The following RCOR1 variants were observed in gnomAD, a reference collection of about 807,000 sequenced individuals.
RCOR1 encodes REST corepressor 1.
Under a neutral mutation model 64.0 loss-of-function variants are expected in RCOR1, and 12 were observed. The ratio of observed to expected loss-of-function variants is 0.19; its 90% CI spans 0.12 to 0.30. The LOEUF (loss-of-function observed/expected upper bound fraction) is 0.30. Among genes scored for constraint, RCOR1 ranks in the 10% least tolerant of loss-of-function variants. The pLI, the probability that RCOR1 is intolerant of heterozygous loss-of-function variation, is 1.00. For synonymous variants in RCOR1, 279 were observed against 227.2 expected, an observed-to-expected ratio of 1.23 and a Z score of -2.05; for missense variants, 502 against 621.2, an observed-to-expected ratio of 0.81 and a Z score of 2.04.
intron 2 of RCOR1, among the ~76,000 whole-genome samples, chr14:102,624,868 C>T (rs1323502663): frequency 6.6e-6 from 1 of 151,932 alleles, no homozygotes; most frequent in African/African-American, 2.4e-5. Context: ...AAGCCCAATA[C>T]CTACACTTCC....
intron 2 of RCOR1, among the ~76,000 whole-genome samples, chr14:102,600,270 G>A (rs999748961): frequency 4.0e-5 from 6 of 150,590 alleles, no homozygotes; most frequent in African/African-American, 1.2e-4. Flanking sequence ...TATATTTTTA[G>A]TAGAGATGGG....
intron 2 of RCOR1, among the ~76,000 whole-genome samples, chr14:102,654,871 T>G (rs1014502405): frequency 8.8e-5 from 13 of 147,444 alleles, no homozygotes; most frequent in African/African-American, 3.3e-4. Flanking sequence ...TGCAGTGACA[T>G]GATCAAGGCT....
chr14:102,655,430 C>T, intron 2 of RCOR1: 1 of 984,626 alleles, frequency 1.0e-6, no homozygotes, highest in Non-Finnish European at 1.2e-6. Context: ...TTAACTATGG[C>T]ATGTTTTATA....
At chr14:102,693,890 T>C (rs546278050) in intron 3 of RCOR1, among the ~76,000 whole-genome samples, 10 of 152,112 alleles carry the variant, frequency 6.6e-5, no homozygotes, top group Admixed American at 2.6e-4. Flanking sequence ...GGGGGTTCAC[T>C]GTGTTGCCCA....
rs1447031731 is a variant in RCOR1, at chr14:102,655,557, C to A, written c.362-26338C>A. On this transcript the variant is annotated intron_variant, in intron 2 of 11. Coordinates refer to ENST00000262241, the MANE Select transcript of RCOR1 (RefSeq NM_015156.4). ...CAGAAAGTTGCGAAGATTACAAGCT[C>A]ATATTTGTGAAAGTGTCTGGCACAT... The A allele has an allele frequency of 3.3e-6, 3 of 912,260 alleles. No individual in the cohort carries two copies. In the South Asian group the frequency reaches 1.5e-4, roughly 46 times the overall value. 56.5% of individuals were successfully genotyped at this position (912,260 alleles called of 1,614,324 possible).
At chr14:102,639,956 C>T (rs545927086) in intron 2 of RCOR1, among the ~76,000 whole-genome samples, 16 of 152,282 alleles carry the variant, frequency 1.1e-4, no homozygotes, top group African/African-American at 3.6e-4. Context: ...AAGTGATTCT[C>T]TGCCTCAGCC....
intron 2 of RCOR1, among the ~76,000 whole-genome samples, chr14:102,677,347 C>A (rs1303729439): frequency 7.1e-6 from 1 of 140,780 alleles, no homozygotes; most frequent in Non-Finnish European, 1.5e-5. Context: ...TGACCCCCCC[C>A]CCACCTCCCT....
intron 2 of RCOR1, among the ~76,000 whole-genome samples, chr14:102,629,543 C>T (rs909280621): frequency 2.0e-5 from 3 of 151,360 alleles, no homozygotes; most frequent in Non-Finnish European, 2.9e-5. Flanking sequence ...AATTTCGAAG[C>T]TTTGTGATAG....
chr14:102,672,998 AG>A (rs1461659111), intron 2 of RCOR1, among the ~76,000 whole-genome samples: 2 of 152,354 alleles, frequency 1.3e-5, no homozygotes, highest in Non-Finnish European at 2.9e-5. Flanking sequence ...CATACAGTGA[AG>A]GGTTTCTCAC....
intron 2 of RCOR1, among the ~76,000 whole-genome samples, chr14:102,642,596 A>T (rs1177518589): frequency 6.6e-6 from 1 of 152,158 alleles, no homozygotes; most frequent in Admixed American, 6.6e-5. Context: ...GCACTTTGGG[A>T]GGCAGAGGTG....
chr14:102,677,323 G>C (rs1242388343), intron 2 of RCOR1, among the ~76,000 whole-genome samples: 8 of 125,990 alleles, frequency 6.3e-5, no homozygotes, highest in Non-Finnish European at 1.3e-4. Context: ...GGGGCGGCTG[G>C]CCGGGCAGGG....
At chr14:102,593,393 G>C in intron 2 of RCOR1, 68 bp downstream of exon 2, 1 of 1,420,422 alleles carries the variant, frequency 7.0e-7, no homozygotes, top group Non-Finnish European at 9.2e-7. Flanking sequence ...GCGAGCCCGA[G>C]GGGGCGGGAG....
chr14:102,622,605 C>A (rs1238201454), intron 2 of RCOR1, among the ~76,000 whole-genome samples: 1 of 152,054 alleles, frequency 6.6e-6, no homozygotes, highest in Admixed American at 6.6e-5. Flanking sequence ...CAGCAAAATT[C>A]CCCTAATCTT....
intron 6 of RCOR1, among the ~76,000 whole-genome samples, chr14:102,709,127 A>G (rs944672930): frequency 1.2e-4 from 18 of 152,244 alleles, no homozygotes; most frequent in African/African-American, 4.3e-4. Context: ...AGAAATGGCC[A>G]GGTACTCACA....
At chr14:102,651,648 T>G in intron 2 of RCOR1, among the ~76,000 whole-genome samples, 1 of 152,238 alleles carries the variant, frequency 6.6e-6, no homozygotes, top group African/African-American at 2.4e-5. Context: ...TATCTTATTT[T>G]TTGGCTTGTT....
intron 2 of RCOR1, among the ~76,000 whole-genome samples, chr14:102,664,207 G>A (rs1894875484): frequency 6.6e-6 from 1 of 152,184 alleles, no homozygotes; most frequent in Non-Finnish European, 1.5e-5. Flanking sequence ...CTGGGTTCAA[G>A]TGATTCTCAT....
At chr14:102,634,315 G>T (rs1257899342) in intron 2 of RCOR1, among the ~76,000 whole-genome samples, 1 of 152,056 alleles carries the variant, frequency 6.6e-6, no homozygotes, top group Non-Finnish European at 1.5e-5. Flanking sequence ...CAAGGCTTCA[G>T]TGAGCTATAT....
chr14:102,595,730 C>G (rs969054319), intron 2 of RCOR1, among the ~76,000 whole-genome samples: 6 of 152,174 alleles, frequency 3.9e-5, no homozygotes, highest in African/African-American at 1.4e-4. Flanking sequence ...CAGGCGCCCA[C>G]CAACACTCCT....
chr14:102,656,704 G>A (rs1414257021), intron 2 of RCOR1, among the ~76,000 whole-genome samples: 1 of 151,716 alleles, frequency 6.6e-6, no homozygotes, highest in Non-Finnish European at 1.5e-5. Flanking sequence ...TCTGACTCAA[G>A]CGATCTACCC....
Sources: gnomAD v4.1 joint callset for allele counts (sites outside exome capture counted in the v4.1 genomes callset) on GRCh38, gnomAD v4.1.1 for gene constraint, MANE v1.5 for transcripts, NCBI Gene and HGNC (gene_info 2026-07-23, HGNC 2026-07-21) for gene names.